The following ADAMTS13 variants were observed in gnomAD, a reference collection of about 807,000 sequenced individuals.
ADAMTS13 encodes ADAM metallopeptidase with thrombospondin type 1 motif 13.
A neutral mutation model predicts 155.1 loss-of-function variants in ADAMTS13; 110 were observed. The observed-to-expected ratio is 0.71, with a 90% CI of 0.61 to 0.83. The LOEUF (loss-of-function observed/expected upper bound fraction) is 0.83, where lower values mean the gene tolerates loss of function less well. Ranked by LOEUF, ADAMTS13 falls within the 40% of genes least tolerant of loss-of-function variation. ADAMTS13 has a pLI of 0.00. For missense variants in ADAMTS13, 1,707 were observed against 1,891.7 expected (o/e 0.90, Z 1.81); for synonymous variants, 758 against 756.4 (o/e 1.00, Z -0.03).
chr9:133,448,717 G>C lies in ADAMTS13; in HGVS notation c.2850G>C (p.Pro950=). The C allele has an allele frequency of 6.2e-7, 1 of 1,601,714 alleles. No individual in the cohort carries two copies. Among genetic ancestry groups the C allele is most frequent in the South Asian group, 1.1e-5 (1 of 90,982 alleles). The change falls in exon 22 of 29, where the codon CCG becomes CCC. Residue 950 remains proline (P), a synonymous_variant. Transcript: ENST00000355699. ...GGCGGGAGGTCTGCCAGGCTGTCCC[G>C]TGCCCTGCTCGGTGAGTGAGGGGAG... is the stretch of plus-strand genomic sequence containing the variant. ...GSRREVCQAV[P]CPARWQYKLA...
intron 14 of ADAMTS13, 141 bp from the exon 15 acceptor site, chr9:133,439,225 C>A: frequency 2.7e-6 from 2 of 735,114 alleles, no homozygotes; most frequent in South Asian, 1.4e-5. Flanking sequence ...TTTAATTGCC[C>A]CCATGACAGG....
In ADAMTS13 at chr9:133,425,903, G is replaced by T; in HGVS notation, c.415-35G>T. The T allele has an allele frequency of 6.2e-7, 1 of 1,612,272 alleles. No homozygotes were observed. Among genetic ancestry groups the T allele is most frequent in the Non-Finnish European group, 8.5e-7 (1 of 1,179,948 alleles). The stretch of plus-strand genomic sequence containing the variant: ...GCAGTCAGCACCGTGCCTGGTTGGG[G>T]TGTCCTAAATGCAGGCTTTGCTGTG... On this transcript the variant is annotated intron_variant, in intron 4 of 28. Transcript: ENST00000355699. This position sits in a 1 kb window ranked among gnomAD's most constrained non-coding sequence, Gnocchi z 4.6.
At position 133,428,676 on chromosome 9, in the gene ADAMTS13, C is replaced by T; in HGVS notation, c.729C>T (p.Gly243=). Residue 243 remains glycine (G), a synonymous_variant, in exon 7 of 29, where the codon GGC becomes GGT. Transcript: ENST00000355699. ...EHDGAPGSGC[G]PSGHVMASDG... ...ACGGCGCGCCCGGCAGCGGCTGCGG[C>T]CCCAGCGGACACGTGATGGCTTCGG... 7.3e-7 allele frequency: 1 copy of T among 1,362,160 alleles called. No homozygotes were observed. Among genetic ancestry groups the T allele is most frequent in the South Asian group, 1.7e-5 (1 of 60,030 alleles). The allele number at this position is 1,362,160 out of a possible 1,614,324, so 84.4% of individuals were successfully genotyped here. A position where few individuals can be genotyped will look rare whatever the true frequency, so the allele number is the denominator to read the frequency against.
At chr9:133,439,615 T>C (rs1292481265) in intron 15 of ADAMTS13, among the ~76,000 whole-genome samples, 169 bp downstream of exon 15, 1 of 152,230 alleles carries the variant, frequency 6.6e-6, no homozygotes, top group African/African-American at 2.4e-5. Context: ...CTGAGAGCTG[T>C]GGCACATGGC....
In ADAMTS13 at chr9:133,425,300, T is replaced by G. The variant is rs1554784933; in HGVS notation, c.331-229T>G. Among the ~76,000 whole-genome samples, 1 of 152,196 alleles carries G rather than the reference T, an allele frequency of 6.6e-6. No homozygotes were observed. Among genetic ancestry groups the G allele is most frequent in the Non-Finnish European group, 1.5e-5 (1 of 68,030 alleles). On this transcript the variant is annotated intron_variant, in intron 3 of 28. Coordinates refer to ENST00000355699, the MANE Select transcript of ADAMTS13 (RefSeq NM_139027.6). This position sits in a 1 kb window ranked among gnomAD's most constrained non-coding sequence, Gnocchi z 4.6. ...GCTCTCATCCCCTTGCTTTGGAGTT[T>G]GTTTTCCTTGCGTTAGTTGGCCTTC...
At chr9:133,457,724 T>C (rs972763219) in intron 27 of ADAMTS13, among the ~76,000 whole-genome samples, 186 bp from the exon 28 acceptor site, 1 of 152,222 alleles carries the variant, frequency 6.6e-6, no homozygotes. Context: ...GCCCAGAACA[T>C]TTAGCCTTTG....
chr9:133,420,715 A>C (rs895813232), upstream of ADAMTS13, among the ~76,000 whole-genome samples: 4 of 152,216 alleles, frequency 2.6e-5, no homozygotes, highest in Non-Finnish European at 4.4e-5. Flanking sequence ...CCTAGTCAGC[A>C]AATGGCTGCT....
intron 12 of ADAMTS13, 86 bp from the exon 13 acceptor site, chr9:133,437,663 G>C: frequency 6.5e-7 from 1 of 1,539,444 alleles, no homozygotes; most frequent in Non-Finnish European, 8.9e-7. Context: ...CCTTGCCCCA[G>C]ATGCAAAGGA....
chr9:133,432,613 A>C lies in ADAMTS13; in HGVS notation c.1013A>C (p.His338Pro). 6.4e-7 allele frequency: 1 copy of C among 1,555,614 alleles called. No individual in the cohort carries two copies. Among genetic ancestry groups the C allele is most frequent in the Non-Finnish European group, 8.7e-7 (1 of 1,149,172 alleles). ...GATATGTGCCAGGCCCTCTCCTGCC[A>C]CACAGACCCGCTGGACCAAAGCAGC... ...HLDMCQALSC[H>P]TDPLDQSSCS... Residue 338 changes from histidine (H) to proline (P), a missense_variant, in exon 9 of 29, where the codon CAC becomes CCC. This residue lies in a region of ADAMTS13 where 733 missense variants were observed against 749.6 expected (regional missense o/e 0.98). Coordinates refer to ENST00000355699, the MANE Select transcript of ADAMTS13 (RefSeq NM_139027.6).
intron 18 of ADAMTS13, 31 bp downstream of exon 18, chr9:133,442,774 G>C: frequency 6.2e-7 from 1 of 1,603,050 alleles, no homozygotes; most frequent in South Asian, 1.1e-5. Context: ...GCAGCTCCAA[G>C]GGGGAGAGAG....
In ADAMTS13 at chr9:133,428,722, G is replaced by A. The variant is rs886063632; in HGVS notation, c.775G>A (p.Gly259Ser). The change falls in exon 7 of 29, where the codon GGC becomes AGC. Residue 259 changes from glycine (G) to serine (S), a missense_variant. Gly to Ser is a moderately conservative substitution (Grantham distance 56, BLOSUM62 0). Coordinates refer to ENST00000355699, the MANE Select transcript of ADAMTS13 (RefSeq NM_139027.6). ...MASDGAAPRAGLAWSPCSRRQ... is the reference protein window; with the variant it reads ...MASDGAAPRASLAWSPCSRRQ... ...TTCGGACGGCGCCGCGCCCCGCGCC[G>A]GCCTCGCCTGGTCCCCCTGCAGCCG... 3.7e-5 allele frequency: 50 copies of A among 1,353,738 alleles called. No individual in the cohort carries two copies. The Middle Eastern group carries it at 8.2e-4, about 22-fold the overall frequency. The allele number at this position is 1,353,738 out of a possible 1,614,324, so 83.9% of individuals were successfully genotyped here. A position where few individuals can be genotyped will look rare whatever the true frequency, so the allele number is the denominator to read the frequency against.
chr9:133,430,175 G>C (rs782254917), intron 8 of ADAMTS13, 74 bp downstream of exon 8: 1 of 1,531,392 alleles, frequency 6.5e-7, no homozygotes, highest in African/African-American at 1.4e-5. Flanking sequence ...CCCCCAAAAC[G>C]TGCATGGTGA....
Position 133,440,562 on chromosome 9 carries a change from T to G in ADAMTS13, c.1968+37T>G, listed in dbSNP as rs782095008. ...AGCCTGGGGGAGGCCAGTGGGGGCTTCTTCTTGGGGGCTATGGCTGCTTGC... is the reference window on the plus strand; with the variant it reads ...AGCCTGGGGGAGGCCAGTGGGGGCTGCTTCTTGGGGGCTATGGCTGCTTGC... On this transcript the variant is annotated intron_variant, in intron 16 of 28. Coordinates refer to ENST00000355699, the MANE Select transcript of ADAMTS13 (RefSeq NM_139027.6). This position sits in a 1 kb window ranked among gnomAD's most constrained non-coding sequence, Gnocchi z 4.3. 25 of 1,552,010 alleles carry G rather than the reference T, an allele frequency of 1.6e-5. No homozygotes were observed. The highest frequency in any genetic ancestry group is 9.4e-5 in the East Asian group (4 of 42,416).
intron 22 of ADAMTS13, 32 bp downstream of exon 22, chr9:133,448,760 C>T (rs1174324996): frequency 6.3e-7 from 1 of 1,594,700 alleles, no homozygotes. Flanking sequence ...GTGTGCTGGC[C>T]TTCTCCCTGT....
At chr9:133,442,171 A>G (rs185764580) in intron 16 of ADAMTS13, among the ~76,000 whole-genome samples, 186 of 152,064 alleles carry the variant, frequency 1.2e-3, no homozygotes, top group African/African-American at 4.2e-3. Context: ...CTGGAGTGCT[A>G]TGTTGCCCAG....
intron 8 of ADAMTS13, among the ~76,000 whole-genome samples, chr9:133,431,209 C>T (rs1840738975): frequency 6.6e-6 from 1 of 152,244 alleles, no homozygotes; most frequent in South Asian, 2.1e-4. Flanking sequence ...AAGCCATCCT[C>T]CCACCTTGGC....
intron 23 of ADAMTS13, among the ~76,000 whole-genome samples, chr9:133,453,271 C>G (rs1430956363): frequency 6.6e-6 from 1 of 152,128 alleles, no homozygotes; most frequent in Non-Finnish European, 1.5e-5. Flanking sequence ...CCTGTCTCTA[C>G]TAAAAATACA....
chr9:133,417,844 T>A, upstream of ADAMTS13: 9 of 1,598,734 alleles, frequency 5.6e-6, no homozygotes, highest in Non-Finnish European at 7.6e-6. Context: ...GCCTTCCCCA[T>A]CCTGCTGCCG....
At chr9:133,437,962 G>A (rs1841377000) in intron 13 of ADAMTS13, 65 bp downstream of exon 13, 1 of 1,608,340 alleles carries the variant, frequency 6.2e-7, no homozygotes, top group Non-Finnish European at 8.5e-7. Context: ...GGCTCCTGGG[G>A]GCAGGTTGGT....
Sources: allele counts gnomAD v4.1 joint callset (sites outside exome capture counted in the v4.1 genomes callset), GRCh38; gene constraint gnomAD v4.1.1; regional missense constraint gnomAD v4.1.1; non-coding constraint Gnocchi (gnomAD v3.1); transcripts MANE v1.5; gene names NCBI Gene and HGNC (gene_info 2026-07-23, HGNC 2026-07-21).